Variants in DYNC2LI1 observed in about 807,000 individuals in gnomAD.
DYNC2LI1 encodes dynein cytoplasmic 2 light intermediate chain 1.
DYNC2LI1 carries 45 observed loss-of-function variants against 51.9 expected under a neutral mutation model. The ratio of observed to expected loss-of-function variants is 0.87; its 90% CI spans 0.68 to 1.11. The LOEUF (loss-of-function observed/expected upper bound fraction) is 1.11, where lower values mean the gene tolerates loss of function less well. Among genes scored for constraint, DYNC2LI1 ranks in the 50% most tolerant of loss-of-function variants. The pLI is 0.00. For synonymous variants in DYNC2LI1, 130 were observed against 137.8 expected, an observed-to-expected ratio of 0.94 and a Z score of 0.40; for missense variants, 490 against 417.4, an observed-to-expected ratio of 1.17 and a Z score of -1.51.
intron 2 of DYNC2LI1, among the ~76,000 whole-genome samples, chr2:43,778,136 CA>C (rs907720685): frequency 6.6e-6 from 1 of 151,752 alleles, no homozygotes; most frequent in African/African-American, 2.4e-5. Context: ...AATTTTAACC[CA>C]ACTATATAAG....
chr2:43,796,336 A>G (rs1368815397), intron 7 of DYNC2LI1, among the ~76,000 whole-genome samples: 1 of 150,588 alleles, frequency 6.6e-6, no homozygotes, highest in Non-Finnish European at 1.5e-5. Context: ...CTTGTCTCAA[A>G]AAAAAAAAAA....
Position 43,805,986 on chromosome 2 carries a change from A to G in DYNC2LI1, c.993+740A>G, listed in dbSNP as rs139282714. ...AACCTCCGCCTCCCGGGTTCAAGCA[A>G]TTCTCTGCTTCAGCCTCCTGAGTGG... On this transcript the variant is annotated intron_variant, in intron 12 of 12. Coordinates refer to ENST00000260605, the MANE Select transcript of DYNC2LI1 (RefSeq NM_016008.4). Among the ~76,000 whole-genome samples the G allele has an allele frequency of 2.1e-3, 317 of 151,764 alleles. 1 individual carries two copies. Among genetic ancestry groups the G allele is most frequent in the African/African-American group, 7.3e-3 (300 of 41,314 alleles).
At chr2:43,818,729 C>G in the DYNC2LI1 span, among the ~76,000 whole-genome samples, 1 of 152,094 alleles carries the variant, frequency 6.6e-6, no homozygotes, top group East Asian at 1.9e-4. Flanking sequence ...GAAAAAATAT[C>G]CTCCTTGATT....
intron 2 of DYNC2LI1, among the ~76,000 whole-genome samples, chr2:43,780,779 A>C (rs186974825): frequency 3.1e-4 from 47 of 152,138 alleles, no homozygotes; most frequent in Non-Finnish European, 5.7e-4. Context: ...AGTTCCAGGG[A>C]TAATGGGTCA....
the DYNC2LI1 span, chr2:43,828,067 G>A: frequency 1.6e-5 from 26 of 1,614,108 alleles, no homozygotes; most frequent in Admixed American, 4.2e-4. Flanking sequence ...TTGCCAATCA[G>A]TCGGTCTGCC....
chr2:43,824,989 G>A, the DYNC2LI1 span: 49 of 1,613,906 alleles, frequency 3.0e-5, no homozygotes, highest in Middle Eastern at 1.7e-4. Context: ...TCAGCTCTCC[G>A]AAGCTCAGGA....
the DYNC2LI1 span, among the ~76,000 whole-genome samples, chr2:43,815,725 G>A: frequency 6.6e-6 from 1 of 152,152 alleles, no homozygotes; most frequent in African/African-American, 2.4e-5. Flanking sequence ...AAGAGAGGAT[G>A]TGAAGGAACA....
chr2:43,782,653 G>A (rs900290582), intron 2 of DYNC2LI1, among the ~76,000 whole-genome samples: 2 of 152,052 alleles, frequency 1.3e-5, no homozygotes, highest in African/African-American at 4.8e-5. Context: ...CTAGTGGTAG[G>A]AATTAGGCCA....
intron 1 of DYNC2LI1, among the ~76,000 whole-genome samples, chr2:43,774,958 C>T (rs1672943688): frequency 6.6e-6 from 1 of 152,164 alleles, no homozygotes; most frequent in Non-Finnish European, 1.5e-5. Context: ...TGAAGGCTCA[C>T]CTGTGAAATA....
At position 43,787,174 on chromosome 2, in the gene DYNC2LI1, TA is replaced by T. The variant is rs1269391730; in HGVS notation, c.162-6del. The stretch of plus-strand genomic sequence containing the variant: ...CAATGATAATACTATCGGCCTTTAT[TA>T]TACAGAGATGAACCACCAAAACCAA... On this transcript the variant is annotated splice_region_variant and splice_polypyrimidine_tract_variant and intron_variant, in intron 3 of 12. Transcript: ENST00000260605. 1.9e-6 allele frequency: 3 copies of T among 1,609,244 alleles called. No individual in the cohort carries two copies. In the African/African-American group the frequency reaches 4.0e-5, roughly 22 times the overall value.
chr2:43,778,173 C>A (rs185277856), intron 2 of DYNC2LI1, among the ~76,000 whole-genome samples: 3 of 151,916 alleles, frequency 2.0e-5, no homozygotes, highest in Non-Finnish European at 4.4e-5. Flanking sequence ...CATGTTATTT[C>A]TTTTTTTGAG....
At chr2:43,795,769 G>C (rs1285533969) in intron 6 of DYNC2LI1, 121 bp from the exon 7 acceptor site, 25 of 731,158 alleles carry the variant, frequency 3.4e-5, no homozygotes, top group Non-Finnish European at 5.3e-5. Context: ...TCTATGTCAA[G>C]CAAATTAAGT....
At chr2:43,824,171 T>C in the DYNC2LI1 span, 1 of 1,614,084 alleles carries the variant, frequency 6.2e-7, no homozygotes, top group Non-Finnish European at 8.5e-7. Flanking sequence ...TATTGGGGGA[T>C]GGCTAAAGAC....
At chr2:43,826,794 C>G in the DYNC2LI1 span, among the ~76,000 whole-genome samples, 2 of 152,212 alleles carry the variant, frequency 1.3e-5, no homozygotes, top group Non-Finnish European at 2.9e-5. Flanking sequence ...CATCTGGGCT[C>G]TGCTCAGGGC....
At chr2:43,793,243 G>A (rs1017419697) in intron 5 of DYNC2LI1, 1 of 152,470 alleles carries the variant, frequency 6.6e-6, no homozygotes, top group South Asian at 2.1e-4. Flanking sequence ...GGAGGCTGAG[G>A]TGGGTAGATC....
chr2:43,776,760 G>GT (rs755268236), intron 1 of DYNC2LI1, 22 bp from the exon 2 acceptor site: 19 of 1,241,810 alleles, frequency 1.5e-5, no homozygotes, highest in Non-Finnish European at 1.5e-5. Flanking sequence ...CCTCAATTTT[G>GT]TTTTTTCTGC....
the DYNC2LI1 span, chr2:43,824,506 C>A: frequency 3.8e-6 from 6 of 1,599,792 alleles, no homozygotes; most frequent in South Asian, 6.6e-5. Context: ...ACAATTGGTA[C>A]AGGAGTACTG....
rs748401669 is a variant in DYNC2LI1 at position 43,775,836 on chromosome 2, C to T, written c.9-946C>T. 1.6e-4 allele frequency: 35 copies of T among 218,720 alleles called. 1 individual carries two copies. Among genetic ancestry groups the T allele is most frequent in the South Asian group, 1.3e-3 (27 of 21,004 alleles). The allele number at this position is 218,720 out of a possible 1,614,324, so 13.5% of individuals were successfully genotyped here. A position where few individuals can be genotyped will look rare whatever the true frequency, so the allele number is the denominator to read the frequency against. ...CTGAGTAGCTGGAGTTACAGACACCCGCCACCACACCTGGCCAATTTTTTT... is the reference window on the plus strand; with the variant it reads ...CTGAGTAGCTGGAGTTACAGACACCTGCCACCACACCTGGCCAATTTTTTT... On this transcript the variant is annotated intron_variant, in intron 1 of 12. Transcript: ENST00000260605.
At chr2:43,803,334 C>T (rs1666135217) in intron 10 of DYNC2LI1, among the ~76,000 whole-genome samples, 1 of 152,148 alleles carries the variant, frequency 6.6e-6, no homozygotes, top group African/African-American at 2.4e-5. Flanking sequence ...AAACACTACT[C>T]AGTCATACAA....
Sources: allele counts gnomAD v4.1 joint callset (sites outside exome capture counted in the v4.1 genomes callset), GRCh38; gene constraint gnomAD v4.1.1; transcripts MANE v1.5; gene names NCBI Gene and HGNC (gene_info 2026-07-23, HGNC 2026-07-21).